The following IGF2BP3 variants were observed in gnomAD, a reference collection of about 807,000 sequenced individuals.
The protein encoded by IGF2BP3 is insulin like growth factor 2 mRNA binding protein 3, also known as insulin-like growth factor 2 mRNA-binding protein 3.
In IGF2BP3, 9 loss-of-function variants were observed where a neutral mutation model predicts 73.8. The ratio of observed to expected loss-of-function variants is 0.12; its 90% CI spans 0.07 to 0.21. The LOEUF (loss-of-function observed/expected upper bound fraction) is 0.21, where lower values mean the gene tolerates loss of function less well. Ranked by LOEUF, IGF2BP3 falls within the 10% of genes least tolerant of loss-of-function variation. The pLI is 1.00. For synonymous variants in IGF2BP3, 258 were observed against 256.7 expected, an observed-to-expected ratio of 1.01 and a Z score of -0.05; for missense variants, 542 against 714.0, an observed-to-expected ratio of 0.76 and a Z score of 2.75.
chr7:23,388,607 CTTTTTTTT>C (rs35723715), intron 3 of IGF2BP3, among the ~76,000 whole-genome samples: 2 of 124,022 alleles, frequency 1.6e-5, no homozygotes, highest in African/African-American at 3.0e-5. Context: ...TCTTCTCCAT[CTTTTTTTT>C]TTTTTTTTTT....
intron 2 of IGF2BP3, among the ~76,000 whole-genome samples, chr7:23,454,069 T>G (rs1788260266): frequency 6.6e-6 from 1 of 152,132 alleles, no homozygotes; most frequent in African/African-American, 2.4e-5. Context: ...CTCAAGCGAT[T>G]CATCCAAGTG....
chr7:23,453,483 T>C (rs1788247531), intron 2 of IGF2BP3, among the ~76,000 whole-genome samples: 2 of 152,236 alleles, frequency 1.3e-5, no homozygotes, highest in Non-Finnish European at 2.9e-5. Flanking sequence ...GACTCCCACC[T>C]ACTAGAGACC....
At chr7:23,315,134 AT>A (rs1322960406) in intron 12 of IGF2BP3, among the ~76,000 whole-genome samples, 5 of 143,512 alleles carry the variant, frequency 3.5e-5, no homozygotes, top group Non-Finnish European at 6.0e-5. Flanking sequence ...TTTTTATTTT[AT>A]TTTTTTTAGA....
chr7:23,425,649 T>TTA lies in IGF2BP3; in HGVS notation c.237-6827_237-6826dup, dbSNP rs545967983. Among the ~76,000 whole-genome samples, 215 of 152,254 alleles carry TTA rather than the reference T, an allele frequency of 1.4e-3. 3 individuals carry two copies. The highest frequency in any genetic ancestry group is 1.7e-3 in the East Asian group (9 of 5,186). Reference sequence around the variant, plus strand: ...TTGGCCTCAATAATGTATAATTTGTTTATATATATAAGACATCTATGAACC... The same window carrying TTA: ...TTGGCCTCAATAATGTATAATTTGTTTATATATATATAAGACATCTATGAACC... On this transcript the variant is annotated intron_variant, in intron 2 of 14. Transcript: ENST00000258729.
chr7:23,387,268 A>G (rs2128519709), intron 3 of IGF2BP3, among the ~76,000 whole-genome samples: 1 of 152,310 alleles, frequency 6.6e-6, no homozygotes. Flanking sequence ...GTTCCAACTG[A>G]GGGTCATTTG....
At chr7:23,420,112 G>T (rs1462812940) in intron 2 of IGF2BP3, among the ~76,000 whole-genome samples, 1 of 152,132 alleles carries the variant, frequency 6.6e-6, no homozygotes, top group African/African-American at 2.4e-5. Context: ...TAGTCAACTA[G>T]CTATTAAAAA....
At chr7:23,451,455 T>TA (rs757718872) in intron 2 of IGF2BP3, among the ~76,000 whole-genome samples, 1 of 151,772 alleles carries the variant, frequency 6.6e-6, no homozygotes, top group South Asian at 2.1e-4. Context: ...TGATAACATG[T>TA]AATGGGTTTT....
chr7:23,361,953 C>A (rs1437736675), intron 3 of IGF2BP3, among the ~76,000 whole-genome samples: 1 of 152,172 alleles, frequency 6.6e-6, no homozygotes, highest in East Asian at 1.9e-4. Context: ...ACATTAATCT[C>A]ATTTCCTATG....
intron 12 of IGF2BP3, 129 bp downstream of exon 12, chr7:23,317,510 A>G: frequency 1.4e-6 from 1 of 706,690 alleles, no homozygotes; most frequent in Non-Finnish European, 2.5e-6. Flanking sequence ...GTGTGATTCT[A>G]CTCAGCTCTT....
chr7:23,376,399 G>C (rs1785719175), intron 3 of IGF2BP3, among the ~76,000 whole-genome samples: 1 of 151,562 alleles, frequency 6.6e-6, no homozygotes. Flanking sequence ...GCCGGGCATG[G>C]TGGCGGGCAC....
At chr7:23,373,848 A>G (rs1197525503) in intron 3 of IGF2BP3, among the ~76,000 whole-genome samples, 1 of 152,140 alleles carries the variant, frequency 6.6e-6, no homozygotes, top group Non-Finnish European at 1.5e-5. Context: ...GTAACAAGTG[A>G]TTTATTGCTC....
At chr7:23,387,783 C>A (rs1366237340) in intron 3 of IGF2BP3, among the ~76,000 whole-genome samples, 2 of 152,102 alleles carry the variant, frequency 1.3e-5, no homozygotes, top group African/African-American at 2.4e-5. Flanking sequence ...ATTATAAACA[C>A]ACACACATAC....
rs373876363 is a variant in IGF2BP3, at chr7:23,378,401, G to GTTTTTTTTTTTTT, written c.286-16661_286-16660insAAAAAAAAAAAAA. Among the ~76,000 whole-genome samples, 73 of 128,052 alleles carry GTTTTTTTTTTTTT rather than the reference G, an allele frequency of 5.7e-4. 7 individuals carry two copies. Among genetic ancestry groups the GTTTTTTTTTTTTT allele is most frequent in the Middle Eastern group, 4.4e-3 (1 of 228 alleles). The allele number at this position is 128,052 out of a possible 152,430, so 84.0% of individuals were successfully genotyped here. Reference sequence around the variant, plus strand: ...AGGAAAATAGACATTTCTCTTCTTGGTTTTTTTTTGAGACAGAGTCTCGCT... The same window carrying GTTTTTTTTTTTTT: ...AGGAAAATAGACATTTCTCTTCTTGGTTTTTTTTTTTTTTTTTTTTTTGAGACAGAGTCTCGCT... On this transcript the variant is annotated intron_variant, in intron 3 of 14. Coordinates refer to ENST00000258729, the MANE Select transcript of IGF2BP3 (RefSeq NM_006547.3).
chr7:23,435,021 C>CACAAA (rs1254397732), intron 2 of IGF2BP3, among the ~76,000 whole-genome samples: 1 of 151,958 alleles, frequency 6.6e-6, no homozygotes, highest in African/African-American at 2.4e-5. Flanking sequence ...ATGGGCCAGG[C>CACAAA]GTGGTGGCTC....
intron 7 of IGF2BP3, 47 bp from the exon 8 acceptor site, chr7:23,346,109 C>A: frequency 1.9e-6 from 3 of 1,574,158 alleles, no homozygotes; most frequent in South Asian, 2.3e-5. Context: ...TAAACCTATT[C>A]GTGGGTAAAA....
At chr7:23,376,380 C>G (rs940817897) in intron 3 of IGF2BP3, among the ~76,000 whole-genome samples, 3 of 150,570 alleles carry the variant, frequency 2.0e-5, no homozygotes, top group African/African-American at 7.4e-5. Context: ...ACTAAAAATA[C>G]AAAAATTAGC....
At chr7:23,414,044 G>C (rs969230014) in intron 3 of IGF2BP3, 1 of 152,166 alleles carries the variant, frequency 6.6e-6, no homozygotes, top group East Asian at 1.9e-4. Context: ...CAGCCACTCA[G>C]GAGGCTGAAG....
chr7:23,461,672 T>C (rs543671999), intron 2 of IGF2BP3, among the ~76,000 whole-genome samples: 2 of 152,316 alleles, frequency 1.3e-5, no homozygotes, highest in South Asian at 4.2e-4. Context: ...GCTAGTAACA[T>C]ATCATCTCCT....
At chr7:23,418,731 A>G (rs1221691135) in intron 3 of IGF2BP3, 45 bp downstream of exon 3, 2 of 1,242,704 alleles carry the variant, frequency 1.6e-6, no homozygotes, top group South Asian at 1.3e-5. Flanking sequence ...TAACAGCAAT[A>G]GGCTTCCATA....
Sources: gnomAD v4.1 joint callset for allele counts (sites outside exome capture counted in the v4.1 genomes callset) on GRCh38, gnomAD v4.1.1 for gene constraint, MANE v1.5 for transcripts, NCBI Gene and HGNC (gene_info 2026-07-23, HGNC 2026-07-21) for gene names.